Variants in GPR89B observed in about 807,000 individuals in gnomAD.
The protein encoded by GPR89B is golgi pH regulator B.
A neutral mutation model predicts 52.4 loss-of-function variants in GPR89B; 25 were observed. The observed-to-expected ratio is 0.48, with a 90% CI of 0.35 to 0.67. The LOEUF is 0.67. Among genes scored for constraint, GPR89B ranks in the 30% least tolerant of loss-of-function variants. The pLI is 0.01. For synonymous variants in GPR89B, 52 were observed against 151.2 expected, an observed-to-expected ratio of 0.34 and a Z score of 4.81; for missense variants, 146 against 450.2, an observed-to-expected ratio of 0.32 and a Z score of 6.11.
the GPR89B span, chr1:148,012,002 A>C: frequency 6.6e-6 from 1 of 152,162 alleles, no homozygotes; most frequent in Non-Finnish European, 1.5e-5. Flanking sequence ...CCAGTCTAAC[A>C]GTAGTTTAAA....
chr1:148,016,996 T>TCTTGCTTG, the GPR89B span, among the ~76,000 whole-genome samples: 2,546 of 151,168 alleles, frequency 0.017, 75 homozygotes, highest in African/African-American at 0.048. Flanking sequence ...TTTGGTTTTG[T>TCTTGCTTG]CTTGCTTGCT....
intron 10 of GPR89B, among the ~76,000 whole-genome samples, chr1:147,979,915 C>A (rs1233943101): frequency 1.3e-5 from 2 of 151,444 alleles, no homozygotes; most frequent in African/African-American, 4.9e-5. Flanking sequence ...ATAGCAAGAC[C>A]CCATCTCAGC....
At chr1:147,965,017 GA>G (rs1241250371) in intron 7 of GPR89B, among the ~76,000 whole-genome samples, 1 of 151,630 alleles carries the variant, frequency 6.6e-6, no homozygotes, top group African/African-American at 2.4e-5. Flanking sequence ...TAAAAACCTA[GA>G]ATTACTAAGC....
chr1:147,937,782 C>G (rs1166139775), intron 2 of GPR89B, among the ~76,000 whole-genome samples: 2 of 152,106 alleles, frequency 1.3e-5, no homozygotes, highest in Non-Finnish European at 2.9e-5. Flanking sequence ...TCATATTGTT[C>G]AAACACACAT....
At chr1:147,945,173 A>AGCT (rs1654866024) in intron 5 of GPR89B, among the ~76,000 whole-genome samples, 1 of 139,746 alleles carries the variant, frequency 7.2e-6, no homozygotes, top group Non-Finnish European at 1.5e-5. Flanking sequence ...CCTCAGTCCC[A>AGCT]GCTGTTTGAG....
chr1:147,968,101 C>G, intron 8 of GPR89B: 1 of 355,984 alleles, frequency 2.8e-6, no homozygotes, highest in East Asian at 7.4e-5. Context: ...TCATAAAAGC[C>G]AATAATATGG....
intron 1 of GPR89B, among the ~76,000 whole-genome samples, chr1:147,935,537 A>T (rs1256428972): frequency 2.0e-5 from 3 of 152,176 alleles, no homozygotes; most frequent in Admixed American, 1.3e-4. Context: ...TTTGAAACAA[A>T]ACTGACGAAA....
intron 5 of GPR89B, among the ~76,000 whole-genome samples, chr1:147,946,248 A>G (rs1259249662): frequency 6.6e-6 from 1 of 152,024 alleles, no homozygotes; most frequent in Non-Finnish European, 1.5e-5. Flanking sequence ...TCATCAACCT[A>G]TGGGCTCCCT....
At chr1:148,011,203 C>G in the GPR89B span, 1 of 152,168 alleles carries the variant, frequency 6.6e-6, no homozygotes, top group Non-Finnish European at 1.5e-5. Flanking sequence ...AGTTATTGTA[C>G]TACACAGGCT....
rs587741381 is a variant in GPR89B, at chr1:147,940,219, T to C, written c.206+1402T>C. The stretch of plus-strand genomic sequence containing the variant: ...GAGATCAAGACCATCCTGGCTAACA[T>C]GGTGAAACCCCGTCTCTACTAAAAA... On this transcript the variant is annotated intron_variant, in intron 3 of 13. Transcript: ENST00000314163. 2.9e-3 allele frequency among the ~76,000 whole-genome samples: 435 copies of C among 151,908 alleles called. 4 individuals carry two copies. Among genetic ancestry groups the C allele is most frequent in the Middle Eastern group, 0.014 (4 of 294 alleles).
rs587664725 is a variant in GPR89B at position 147,949,080 on chromosome 1, G to A, written c.416-4265G>A. On this transcript the variant is annotated intron_variant, in intron 5 of 13. Transcript: ENST00000314163. ...TTCAGAGAGCACAGGGTTGGGGGTA[G>A]GGTCACCGATCAACAGGATCACAAG... Among the ~76,000 whole-genome samples, 6 of 152,192 alleles carry A rather than the reference G, an allele frequency of 3.9e-5. No homozygotes were observed. The East Asian group carries it at 5.8e-4, about 15-fold the overall frequency.
chr1:148,010,758 A>G, the GPR89B span: 1 of 152,334 alleles, frequency 6.6e-6, no homozygotes, highest in East Asian at 1.9e-4. Flanking sequence ...ATCTGGGACC[A>G]GAGACAAAGG....
chr1:147,947,313 G>A (rs1268903349), intron 5 of GPR89B, among the ~76,000 whole-genome samples: 1 of 151,600 alleles, frequency 6.6e-6, no homozygotes, highest in African/African-American at 2.4e-5. Flanking sequence ...CCTCCAGCCT[G>A]GGCGACAGAG....
At chr1:147,986,485 G>T (rs1223450136) in intron 11 of GPR89B, among the ~76,000 whole-genome samples, 191 bp downstream of exon 11, 76 of 152,114 alleles carry the variant, frequency 5.0e-4, no homozygotes, top group Admixed American at 1.8e-3. Context: ...ATTTGTAAAA[G>T]GCCAAGATTC....
intron 7 of GPR89B, among the ~76,000 whole-genome samples, chr1:147,957,382 A>T (rs1373990582): frequency 6.6e-6 from 1 of 150,618 alleles, no homozygotes; most frequent in Non-Finnish European, 1.5e-5. Flanking sequence ...ACTTAGAAAA[A>T]CAAGTTAGAG....
intron 5 of GPR89B, among the ~76,000 whole-genome samples, chr1:147,945,346 G>A (rs1223227568): frequency 1.3e-5 from 2 of 148,766 alleles, no homozygotes; most frequent in African/African-American, 5.0e-5. Context: ...CAAAACAAAT[G>A]CTGGAAAAGG....
chr1:147,957,174 A>G (rs1251683050), intron 7 of GPR89B, among the ~76,000 whole-genome samples: 1 of 151,188 alleles, frequency 6.6e-6, no homozygotes, highest in Non-Finnish European at 1.5e-5. Context: ...TGTTATTTAA[A>G]AAGTACTTTT....
At chr1:147,983,844 T>C (rs1658452693) in intron 10 of GPR89B, among the ~76,000 whole-genome samples, 1 of 152,158 alleles carries the variant, frequency 6.6e-6, no homozygotes, top group Non-Finnish European at 1.5e-5. Flanking sequence ...CCCAAAGGAC[T>C]ATAAATCATG....
downstream of GPR89B, chr1:147,995,906 G>A: frequency 7.1e-7 from 1 of 1,409,458 alleles, no homozygotes; most frequent in Non-Finnish European, 1.0e-6. Context: ...GAAGTTCTGA[G>A]TTATCAATTT....
Sources: gnomAD v4.1 joint callset for allele counts (sites outside exome capture counted in the v4.1 genomes callset) on GRCh38, gnomAD v4.1.1 for gene constraint, MANE v1.5 for transcripts, NCBI Gene and HGNC (gene_info 2026-07-23, HGNC 2026-07-21) for gene names.